The following PTBP3 variants were observed in gnomAD, a reference collection of about 807,000 sequenced individuals.
PTBP3 encodes polypyrimidine tract-binding protein 3.
A neutral mutation model predicts 58.7 loss-of-function variants in PTBP3; 20 were observed. The observed-to-expected ratio is 0.34, with a 90% CI of 0.24 to 0.50. PTBP3 has a LOEUF of 0.50. PTBP3 is among the 20% of genes least tolerant of loss of function. PTBP3 has a pLI of 0.98. For synonymous variants in PTBP3, 185 were observed against 219.8 expected (o/e 0.84, Z 1.40); for missense variants, 509 against 637.2 (o/e 0.80, Z 2.17).
At chr9:112,325,889 G>A (rs1359468763) in intron 1 of PTBP3, among the ~76,000 whole-genome samples, 5 of 151,984 alleles carry the variant, frequency 3.3e-5, no homozygotes, top group Admixed American at 2.6e-4. Context: ...GCGGTGGAGC[G>A]CACCTGTAGT....
At chr9:112,360,387 T>C in the PTBP3 span, among the ~76,000 whole-genome samples, 1 of 152,156 alleles carries the variant, frequency 6.6e-6, no homozygotes, top group Non-Finnish European at 1.5e-5. Flanking sequence ...AGGGTGTCAC[T>C]GTTGCCCAGG....
chr9:112,322,134 CAA>C (rs149553072), intron 1 of PTBP3, among the ~76,000 whole-genome samples: 799 of 68,262 alleles, frequency 0.012, 4 homozygotes, highest in African/African-American at 0.049. Flanking sequence ...GACTCCATCT[CAA>C]AAAAAAAAAA....
the PTBP3 span, among the ~76,000 whole-genome samples, chr9:112,354,956 T>TA: frequency 6.6e-6 from 1 of 152,194 alleles, no homozygotes; most frequent in South Asian, 2.1e-4. Context: ...ACTCACAGTG[T>TA]AATACCGTTT....
chr9:112,307,009 C>A (rs1829248792), intron 1 of PTBP3, among the ~76,000 whole-genome samples: 1 of 152,136 alleles, frequency 6.6e-6, no homozygotes, highest in Non-Finnish European at 1.5e-5. Context: ...GATAATTCTA[C>A]TTCAATTCTA....
chr9:112,289,777 T>C (rs887453868), intron 2 of PTBP3, among the ~76,000 whole-genome samples: 2 of 152,186 alleles, frequency 1.3e-5, no homozygotes, highest in African/African-American at 4.8e-5. Flanking sequence ...ATAATACTTA[T>C]TTTGTGTGTG....
intron 2 of PTBP3, among the ~76,000 whole-genome samples, chr9:112,285,731 T>A (rs917395230): frequency 2.0e-5 from 3 of 152,224 alleles, no homozygotes; most frequent in African/African-American, 4.8e-5. Context: ...TGCCATTTAA[T>A]CTTATCCTTT....
the PTBP3 span, among the ~76,000 whole-genome samples, chr9:112,368,139 C>A: frequency 3.9e-5 from 6 of 152,136 alleles, no homozygotes; most frequent in African/African-American, 1.4e-4. Flanking sequence ...GGACTACAGG[C>A]ATGCACCACC....
At chr9:112,318,677 T>C (rs1829801691) in intron 1 of PTBP3, among the ~76,000 whole-genome samples, 2 of 151,970 alleles carry the variant, frequency 1.3e-5, no homozygotes, top group Admixed American at 1.3e-4. Context: ...GGAGAATCAC[T>C]TGAACCTGGG....
chr9:112,354,459 G>T, the PTBP3 span, among the ~76,000 whole-genome samples: 13 of 152,220 alleles, frequency 8.5e-5, no homozygotes, highest in Admixed American at 6.5e-5. Context: ...GCTCTGTGAA[G>T]AATATGTTAT....
chr9:112,306,769 C>A (rs1829239004), intron 1 of PTBP3, among the ~76,000 whole-genome samples: 1 of 151,968 alleles, frequency 6.6e-6, no homozygotes. Flanking sequence ...GCACACACCA[C>A]CATGCCCGGC....
In PTBP3 at chr9:112,297,820, A is replaced by AAC. The variant is rs1554800862; in HGVS notation, c.34+11_34+12insGT. On this transcript the variant is annotated intron_variant, in intron 2 of 13. Transcript: ENST00000374257. ...ACAGAAATCAAATATTAAAAAAAAAAAAAAAACTCACCATACACACCTGTA... is the reference window on the plus strand; with the variant it reads ...ACAGAAATCAAATATTAAAAAAAAAAACAAAAAACTCACCATACACACCTGTA... The AAC allele has an allele frequency of 4.0e-3, 5,928 of 1,477,114 alleles. 6 individuals are homozygous for AAC. The highest frequency in any genetic ancestry group is 4.4e-3 in the South Asian group (339 of 76,210). 91.5% of individuals were successfully genotyped at this position (1,477,114 alleles called of 1,614,324 possible). A position where few individuals can be genotyped will look rare whatever the true frequency, so the allele number is the denominator to read the frequency against.
At chr9:112,252,609 AGTG>A in intron 6 of PTBP3, 66 bp downstream of exon 6, 1 of 1,170,594 alleles carries the variant, frequency 8.5e-7, no homozygotes, top group South Asian at 1.3e-5. Context: ...CACATGGTAA[AGTG>A]GGGCACAAGA....
intron 2 of PTBP3, among the ~76,000 whole-genome samples, chr9:112,290,737 C>CACACACACACAA (rs1455955448): frequency 1.4e-5 from 2 of 146,918 alleles, no homozygotes; most frequent in East Asian, 2.0e-4. Flanking sequence ...CACACACACA[C>CACACACACACAA]AATCAAGTGT....
chr9:112,274,898 T>C (rs1167051079), intron 3 of PTBP3, among the ~76,000 whole-genome samples: 1 of 152,222 alleles, frequency 6.6e-6, no homozygotes, highest in Non-Finnish European at 1.5e-5. Flanking sequence ...AAGTCCCTAC[T>C]GCTTTGACAC....
intron 2 of PTBP3, among the ~76,000 whole-genome samples, chr9:112,283,074 G>A (rs556639034): frequency 2.6e-5 from 4 of 152,212 alleles, no homozygotes; most frequent in South Asian, 4.2e-4. Flanking sequence ...CTGAGGCCTC[G>A]CCTGCCATGT....
intron 3 of PTBP3, among the ~76,000 whole-genome samples, chr9:112,273,175 C>T (rs1827462309): frequency 6.6e-6 from 1 of 152,106 alleles, no homozygotes; most frequent in Admixed American, 6.5e-5. Context: ...CAAATCAACC[C>T]ACAATAAACA....
At chr9:112,315,857 C>T (rs1462879114) in intron 1 of PTBP3, among the ~76,000 whole-genome samples, 2 of 152,148 alleles carry the variant, frequency 1.3e-5, no homozygotes, top group Admixed American at 6.5e-5. Context: ...GGAATTTGTA[C>T]ATTTGGTCTA....
intron 7 of PTBP3, chr9:112,242,948 G>A (rs998169237): frequency 2.6e-5 from 4 of 151,980 alleles, no homozygotes; most frequent in Non-Finnish European, 4.4e-5. Flanking sequence ...ATACAAAACC[G>A]ACTTGTTGAA....
chr9:112,236,432 T>C (rs1035821426), intron 7 of PTBP3, among the ~76,000 whole-genome samples: 3 of 152,104 alleles, frequency 2.0e-5, no homozygotes, highest in Non-Finnish European at 2.9e-5. Flanking sequence ...CTCAAGATCA[T>C]AGGTAAAATG....
Sources: gnomAD v4.1 joint callset for allele counts (sites outside exome capture counted in the v4.1 genomes callset) on GRCh38, gnomAD v4.1.1 for gene constraint, MANE v1.5 for transcripts, NCBI Gene and HGNC (gene_info 2026-07-23, HGNC 2026-07-21) for gene names.